The following RNF31 variants were observed in gnomAD, a reference collection of about 807,000 sequenced individuals.
The protein encoded by RNF31 is ring finger protein 31, also known as E3 ubiquitin-protein ligase RNF31.
A neutral mutation model predicts 133.6 loss-of-function variants in RNF31; 38 were observed. The observed-to-expected ratio is 0.28, with a 90% confidence interval of 0.22 to 0.37. RNF31 has a LOEUF of 0.37. Ranked by LOEUF, RNF31 falls within the 10% of genes least tolerant of loss-of-function variation. The pLI is 1.00. For missense variants in RNF31, 1,118 were observed against 1,394.1 expected (o/e 0.80, Z 3.15); for synonymous variants, 582 against 552.3 (o/e 1.05, Z -0.75).
At position 24,160,516 on chromosome 14, in the gene RNF31, G is replaced by A; in HGVS notation, c.3166-4G>A. 6.4e-7 allele frequency: 1 copy of A among 1,554,532 alleles called. No homozygotes were observed. Among genetic ancestry groups the A allele is most frequent in the Non-Finnish European group, 8.7e-7 (1 of 1,146,782 alleles). On this transcript the variant is annotated splice_region_variant and splice_polypyrimidine_tract_variant and intron_variant, in intron 20 of 20. Transcript: ENST00000324103. This position sits in a 1 kb window ranked among gnomAD's most constrained non-coding sequence, Gnocchi z 4.0. ...ATATCATTACCTTCTCTCTCCTTCT[G>A]CAGAAGCTGACAGAAGAGGTACCCT...
Position 24,150,050 on chromosome 14 carries a change from T to C in RNF31, c.810-11T>C. The stretch of plus-strand genomic sequence containing the variant: ...CCACTTCAGCAGGCCATGTCTGCTT[T>C]TCCATTACAGTTTACCTGCCTCAGC... On this transcript the variant is annotated splice_polypyrimidine_tract_variant and intron_variant, in intron 6 of 20. Coordinates refer to ENST00000324103, the MANE Select transcript of RNF31 (RefSeq NM_017999.5). The C allele has an allele frequency of 6.5e-7, 1 of 1,547,060 alleles. No individual in the cohort carries two copies. The highest frequency in any genetic ancestry group is 8.7e-7 in the Non-Finnish European group (1 of 1,146,526).
At chr14:24,159,026 T>C (rs865823555) in intron 18 of RNF31, among the ~76,000 whole-genome samples, 309 of 86,370 alleles carry the variant, frequency 3.6e-3, no homozygotes, top group African/African-American at 0.01. Context: ...GAGCGAGACT[T>C]CGTCTCAAAA....
chr14:24,152,097 C>A, intron 11 of RNF31, 105 bp downstream of exon 11: 3 of 1,144,722 alleles, frequency 2.6e-6, no homozygotes, highest in Non-Finnish European at 3.7e-6. Flanking sequence ...TCTTCAGTTG[C>A]CCATATACCC....
rs1566615963 is a variant in RNF31 at position 24,155,574 on chromosome 14, T to G, written c.2404-29T>G. The G allele has an allele frequency of 6.2e-7, 1 of 1,613,954 alleles. No homozygotes were observed. Among genetic ancestry groups the G allele is most frequent in the Non-Finnish European group, 8.5e-7 (1 of 1,179,794 alleles). On this transcript the variant is annotated intron_variant, in intron 13 of 20. Coordinates refer to ENST00000324103, the MANE Select transcript of RNF31 (RefSeq NM_017999.5). This position sits in a 1 kb window ranked among gnomAD's most constrained non-coding sequence, Gnocchi z 4.9. ...CAGGGGATGGTTCCAGGTCAGGCCT[T>G]TGATAACTTTATGCTCTTGCACTTC...
At chr14:24,148,899 G>C in intron 5 of RNF31, 23 bp downstream of exon 5, 1 of 1,594,808 alleles carries the variant, frequency 6.3e-7, no homozygotes, top group East Asian at 2.2e-5. Context: ...CTAAATTGGG[G>C]ACCAGGTAGG....
chr14:24,160,011 T>C lies in RNF31; in HGVS notation c.2996+51T>C, dbSNP rs2038421144. 1 of 1,552,222 alleles carries C rather than the reference T, an allele frequency of 6.4e-7. No homozygotes were observed. The highest frequency in any genetic ancestry group is 1.4e-5 in the African/African-American group (1 of 73,756). On this transcript the variant is annotated intron_variant, in intron 19 of 20. Coordinates refer to ENST00000324103, the MANE Select transcript of RNF31 (RefSeq NM_017999.5). This position sits in a 1 kb window ranked among gnomAD's most constrained non-coding sequence, Gnocchi z 4.0. Reference sequence around the variant, plus strand: ...GGTGTTGGGCAGTGGGTAGAAGTGGTGAGGGCATGCCCAGGCAGTAAAATG... The same window carrying C: ...GGTGTTGGGCAGTGGGTAGAAGTGGCGAGGGCATGCCCAGGCAGTAAAATG...
In RNF31 at chr14:24,151,569, G is replaced by T. The variant is rs922539483; in HGVS notation, c.1822G>T (p.Ala608Ser). The T allele has an allele frequency of 6.2e-7, 1 of 1,614,042 alleles. No homozygotes were observed. The highest frequency in any genetic ancestry group is 8.5e-7 in the Non-Finnish European group (1 of 1,180,040). The change falls in exon 10 of 21, where the codon GCC becomes TCC. Residue 608 changes from alanine to serine, a missense_variant. Around this residue, in one of 3 missense-constraint regions of RNF31, gnomAD observed 747 missense variants for 827.9 expected, o/e 0.90. Transcript: ENST00000324103. This position sits in a 1 kb window ranked among gnomAD's most constrained non-coding sequence, Gnocchi z 5.3. ...CCAGCACGGAGGTGATGTGTCACGG[G>T]CCCTGACTGAGCTACAGCGCCAACG... ...LFQHGGDVSR[A>S]LTELQRQRLE...
upstream of RNF31, chr14:24,147,368 T>G: frequency 1.6e-5 from 4 of 246,900 alleles, no homozygotes; most frequent in Non-Finnish European, 1.5e-5. Context: ...CCAGGAGCCA[T>G]TTGCCTTCTC....
chr14:24,155,532 C>G lies in RNF31; in HGVS notation c.2403+20C>G, dbSNP rs2295979. On this transcript the variant is annotated intron_variant, in intron 13 of 20. Transcript: ENST00000324103. The surrounding 1 kb of genome is among the most constrained non-coding windows in gnomAD (Gnocchi z 4.9). ...GCCCAGGTAAGTGGCCTGCCCAGGG[C>G]AGCTACTGTGGAGGGGCAGGGGATG... 841,682 of 1,613,534 alleles carry G rather than the reference C, an allele frequency of 0.52. 225,526 individuals are homozygous for G. Among genetic ancestry groups the G allele is most frequent in the East Asian group, 0.88 (39,667 of 44,878 alleles).
chr14:24,148,234 G>A (rs1394429101), intron 2 of RNF31, 24 bp from the exon 3 acceptor site: 5 of 1,613,978 alleles, frequency 3.1e-6, no homozygotes, highest in African/African-American at 1.3e-5. Flanking sequence ...CTCCTGGGTG[G>A]TGACTCGTTT....
rs2038187232 is a variant in RNF31 at position 24,147,577 on chromosome 14, G to T, written c.-122G>T. 1.6e-5 allele frequency: 14 copies of T among 858,394 alleles called. No homozygotes were observed. The South Asian group carries it at 2.9e-4, about 18-fold the overall frequency. The allele number at this position is 858,394 out of a possible 1,614,324, so 53.2% of individuals were successfully genotyped here. ...ACCGTGGTCTGAGTGACCTGGGGCG[G>T]CTGCGTGGGCCGGGGTGGGCCTCAA... On this transcript the variant is annotated 5_prime_UTR_variant, in exon 1 of 21. Transcript: ENST00000324103.
chr14:24,149,956 G>T, intron 6 of RNF31, 105 bp from the exon 7 acceptor site: 1 of 1,348,524 alleles, frequency 7.4e-7, no homozygotes, highest in Admixed American at 2.3e-5. Context: ...TGTGTGCAAA[G>T]GCCAGTGACA....
Position 24,160,361 on chromosome 14 carries a change from C to T in RNF31, c.3119C>T (p.Pro1040Leu), listed in dbSNP as rs776221792. The change falls in exon 20 of 21, where the codon CCT (proline) becomes CTT (leucine). Residue 1040 changes from proline (P) to leucine (L), a missense_variant. Coordinates refer to ENST00000324103, the MANE Select transcript of RNF31 (RefSeq NM_017999.5). This position sits in a 1 kb window ranked among gnomAD's most constrained non-coding sequence, Gnocchi z 4.0. ...CGCTACCTGCACGTACGCCCCCAGC[C>T]TTTGGCTGGAGAGGATCCCCCTGCT... ...TERYLHVRPQ[P>L]LAGEDPPAYQ... 6 of 1,614,192 alleles carry T rather than the reference C, an allele frequency of 3.7e-6. No individual in the cohort carries two copies. Among genetic ancestry groups the T allele is most frequent in the African/African-American group, 1.3e-5 (1 of 75,052 alleles).
intron 11 of RNF31, among the ~76,000 whole-genome samples, chr14:24,154,683 A>G (rs1014087789): frequency 2.0e-5 from 3 of 152,148 alleles, no homozygotes; most frequent in African/African-American, 7.2e-5. Flanking sequence ...TTTCTCATGG[A>G]TATGCCGCTG....
rs1268999057 is a variant in RNF31, at chr14:24,159,933, C to T, written c.2969C>T (p.Thr990Ile). The T allele has an allele frequency of 1.2e-6, 2 of 1,613,894 alleles. No homozygotes were observed. The highest frequency in any genetic ancestry group is 3.3e-5 in the Admixed American group (2 of 60,012). The change falls in exon 19 of 21, where the codon ACT becomes ATT. Residue 990 changes from threonine to isoleucine, a missense_variant. Physicochemically the swap from Thr to Ile is moderately conservative, Grantham distance 89 (BLOSUM62 -1). Transcript: ENST00000324103. ...GLRDEACGKETPAGYAGLCQA... is the reference protein window; with the variant it reads ...GLRDEACGKEIPAGYAGLCQA... ...AGGGACGAAGCTTGTGGCAAGGAAA[C>T]TCCAGCTGGCTATGCCGGCCTGTGC...
chr14:24,157,264 T>C (rs998232600), intron 14 of RNF31, 26 bp from the exon 15 acceptor site: 23 of 1,560,148 alleles, frequency 1.5e-5, no homozygotes, highest in Admixed American at 1.8e-5. Flanking sequence ...AGAGCTCCCA[T>C]GTGAAGCCTA....
At position 24,160,635 on chromosome 14, in the gene RNF31, C is replaced by G. The variant is rs1222567740; in HGVS notation, c.*62C>G. 1 of 1,283,908 alleles carries G rather than the reference C, an allele frequency of 7.8e-7. No individual in the cohort carries two copies. The highest frequency in any genetic ancestry group is 1.5e-5 in the African/African-American group (1 of 66,124). The allele number at this position is 1,283,908 out of a possible 1,614,324, so 79.5% of individuals were successfully genotyped here. A position where few individuals can be genotyped will look rare whatever the true frequency, so the allele number is the denominator to read the frequency against. On this transcript the variant is annotated 3_prime_UTR_variant, in exon 21 of 21. Transcript: ENST00000324103. The surrounding 1 kb of genome is among the most constrained non-coding windows in gnomAD (Gnocchi z 4.0). ...GCTCCCTCAGGAACAGCTCCAGCAC[C>G]AATAAAGAGGCATCTTACCACCCAG...
Position 24,160,510 on chromosome 14 carries a change from CCTT to C in RNF31, c.3166-7_3166-5del, listed in dbSNP as rs781206618. 108 of 1,554,774 alleles carry C rather than the reference CCTT, an allele frequency of 6.9e-5. No individual in the cohort carries two copies. The highest frequency in any genetic ancestry group is 9.1e-5 in the Non-Finnish European group (104 of 1,147,072). ...CTTCCAATATCATTACCTTCTCTCTCCTTCTGCAGAAGCTGACAGAAGAGGTAC... is the reference window on the plus strand; with the variant it reads ...CTTCCAATATCATTACCTTCTCTCTCCTGCAGAAGCTGACAGAAGAGGTAC... On this transcript the variant is annotated splice_region_variant and splice_polypyrimidine_tract_variant and intron_variant, in intron 20 of 20. Transcript: ENST00000324103. This position sits in a 1 kb window ranked among gnomAD's most constrained non-coding sequence, Gnocchi z 4.0.
Position 24,160,654 on chromosome 14 carries a change from C to A in RNF31, c.*81C>A. Reference sequence around the variant, plus strand: ...CAGCACCAATAAAGAGGCATCTTACCACCCAGGCTTCTTGGTGGTCCTTCT... The same window carrying A: ...CAGCACCAATAAAGAGGCATCTTACAACCCAGGCTTCTTGGTGGTCCTTCT... On this transcript the variant is annotated 3_prime_UTR_variant, in exon 21 of 21. Coordinates refer to ENST00000324103, the MANE Select transcript of RNF31 (RefSeq NM_017999.5). This position sits in a 1 kb window ranked among gnomAD's most constrained non-coding sequence, Gnocchi z 4.0. 1 of 1,099,930 alleles carries A rather than the reference C, an allele frequency of 9.1e-7. No individual in the cohort carries two copies. Among genetic ancestry groups the A allele is most frequent in the Non-Finnish European group, 1.2e-6 (1 of 815,256 alleles). 68.1% of individuals were successfully genotyped at this position (1,099,930 alleles called of 1,614,324 possible).
Sources: gnomAD v4.1 joint callset for allele counts (sites outside exome capture counted in the v4.1 genomes callset) on GRCh38, gnomAD v4.1.1 for gene constraint, gnomAD v4.1.1 regional missense constraint, Gnocchi (gnomAD v3.1) non-coding constraint, MANE v1.5 for transcripts, NCBI Gene and HGNC (gene_info 2026-07-23, HGNC 2026-07-21) for gene names.